The following PLS3 variants were observed in gnomAD, a reference collection of about 807,000 sequenced individuals.
PLS3 encodes plastin 3, also known as plastin-3.
PLS3 carries 11 observed loss-of-function variants against 46.5 expected under a neutral mutation model. The observed-to-expected ratio is 0.24, with a 90% CI of 0.15 to 0.39. PLS3 has a LOEUF of 0.39. Ranked by LOEUF, PLS3 falls within the 10% of genes least tolerant of loss-of-function variation. The probability of loss-of-function intolerance (pLI) is 1.00; values close to 1 mark genes in which losing one functional copy is unlikely to be tolerated. For synonymous variants in PLS3, 167 were observed against 162.2 expected, an observed-to-expected ratio of 1.03 and a Z score of -0.22; for missense variants, 308 against 461.8, an observed-to-expected ratio of 0.67 and a Z score of 3.05.
chrX:115,629,525 C>G (rs897876668), intron 4 of PLS3, among the ~76,000 whole-genome samples, 198 bp downstream of exon 4: 5 of 111,807 alleles, frequency 4.5e-5, no homozygotes, highest in Non-Finnish European at 7.5e-5. Context: ...TGTTAGCTTG[C>G]AAGAGACAGG....
intron 2 of PLS3, among the ~76,000 whole-genome samples, chrX:115,611,574 C>T (rs781910076): frequency 1.8e-5 from 2 of 111,226 alleles, no homozygotes; most frequent in Non-Finnish European, 3.8e-5. Flanking sequence ...TCAGCATTAG[C>T]AGCAGCTTAA....
intron 2 of PLS3, among the ~76,000 whole-genome samples, chrX:115,615,527 GAGAA>G (rs1197639201): frequency 1.9e-5 from 2 of 104,746 alleles, no homozygotes; most frequent in Non-Finnish European, 3.9e-5. Flanking sequence ...GAGAGAGAGA[GAGAA>G]AGGAAACAGT....
intron 1 of PLS3, among the ~76,000 whole-genome samples, chrX:115,576,785 CAAAA>C: frequency 9.0e-6 from 1 of 110,745 alleles, no homozygotes; most frequent in Admixed American, 9.6e-5. Context: ...GGAGTTAAGT[CAAAA>C]AAAAGGTGCA....
chrX:115,632,520 A>G (rs1490474034), intron 5 of PLS3, among the ~76,000 whole-genome samples: 1 of 111,291 alleles, frequency 9.0e-6, no homozygotes, highest in African/African-American at 3.3e-5. Flanking sequence ...ATTTTACCAA[A>G]TGAGATTTTT....
At position 115,647,984 on chromosome X, in the gene PLS3, A is replaced by G. The variant is rs782721109; in HGVS notation, c.1727A>G (p.Asn576Ser). 18 of 1,205,624 alleles carry G rather than the reference A, an allele frequency of 1.5e-5. No individual in the cohort carries two copies. Among genetic ancestry groups the G allele is most frequent in the Admixed American group, 8.8e-5 (4 of 45,437 alleles). ...CINYDLVKSG[N>S]LTEDDKHNNA... ...AACTATGACCTTGTGAAGAGTGGCAATCTAACAGAAGATGACAAGCACAAT... is the reference window on the plus strand; with the variant it reads ...AACTATGACCTTGTGAAGAGTGGCAGTCTAACAGAAGATGACAAGCACAAT... The change falls in exon 15 of 16, where the codon AAT (asparagine) becomes AGT (serine). Residue 576 changes from asparagine (N) to serine (S), a missense_variant. Physicochemically the swap from Asn to Ser is conservative, Grantham distance 46. Around this residue, in one of 2 missense-constraint regions of PLS3, gnomAD observed 271 missense variants for 435.7 expected, o/e 0.62. Transcript: ENST00000355899.
chrX:115,645,201 A>C (rs2074938736), intron 11 of PLS3, 102 bp downstream of exon 11: 2 of 554,451 alleles, frequency 3.6e-6, no homozygotes, highest in East Asian at 6.9e-5. Flanking sequence ...TGTAGCTATT[A>C]TTTATATTGG....
At chrX:115,628,451 G>A (rs1556638774) in intron 3 of PLS3, among the ~76,000 whole-genome samples, 1 of 112,062 alleles carries the variant, frequency 8.9e-6, no homozygotes, top group Non-Finnish European at 1.9e-5. Flanking sequence ...ACGCACATTG[G>A]TGGATCAGGA....
chrX:115,648,627 T>C (rs1010483163), intron 15 of PLS3, among the ~76,000 whole-genome samples: 7 of 111,306 alleles, frequency 6.3e-5, no homozygotes, highest in Non-Finnish European at 1.1e-4. Flanking sequence ...TAGTTAGACA[T>C]TGAAAATCCA....
At chrX:115,639,724 G>T (rs782805519) in intron 8 of PLS3, 2 of 342,909 alleles carry the variant, frequency 5.8e-6, no homozygotes, top group Admixed American at 6.1e-5. Context: ...TAGTTTTCAA[G>T]CTGTGTTTTG....
intron 1 of PLS3, among the ~76,000 whole-genome samples, chrX:115,604,707 C>T (rs782082048): frequency 9.0e-6 from 1 of 111,675 alleles, no homozygotes; most frequent in African/African-American, 3.3e-5. Flanking sequence ...TGAACCCATC[C>T]GGGATGTTTT....
At chrX:115,614,695 A>C (rs782556421) in intron 2 of PLS3, among the ~76,000 whole-genome samples, 2 of 111,743 alleles carry the variant, frequency 1.8e-5, no homozygotes, top group African/African-American at 3.3e-5. Context: ...CTTTTGACCG[A>C]GTCTTTTAAG....
intron 8 of PLS3, among the ~76,000 whole-genome samples, chrX:115,638,009 A>C (rs1315656727): frequency 1.8e-5 from 2 of 111,275 alleles, no homozygotes; most frequent in Non-Finnish European, 3.8e-5. Flanking sequence ...CAGTGCTGCT[A>C]ACATGGCTCA....
At chrX:115,639,724 G>A (rs782805519) in intron 8 of PLS3, 1 of 342,910 alleles carries the variant, frequency 2.9e-6, no homozygotes. Context: ...TAGTTTTCAA[G>A]CTGTGTTTTG....
intron 13 of PLS3, among the ~76,000 whole-genome samples, 199 bp downstream of exon 13, chrX:115,646,734 C>G (rs1031218247): frequency 4.4e-5 from 5 of 112,462 alleles, no homozygotes; most frequent in African/African-American, 1.6e-4. Flanking sequence ...GGCAGCAGAA[C>G]TATGGTTAGT....
chrX:115,578,742 G>A (rs1371221337), intron 1 of PLS3, among the ~76,000 whole-genome samples: 1 of 107,673 alleles, frequency 9.3e-6, no homozygotes, highest in Non-Finnish European at 1.9e-5. Context: ...GTTTAAAGCA[G>A]GATATAGAAT....
intron 1 of PLS3, among the ~76,000 whole-genome samples, chrX:115,596,902 T>C (rs2074394623): frequency 9.2e-6 from 1 of 109,170 alleles, no homozygotes. Flanking sequence ...CCCAGCACTT[T>C]GGGAGGCCGA....
intron 2 of PLS3, among the ~76,000 whole-genome samples, chrX:115,615,542 C>T (rs1295531162): frequency 9.7e-6 from 1 of 103,557 alleles, no homozygotes; most frequent in Admixed American, 1.0e-4. Context: ...AGGAAACAGT[C>T]CTTTTAACAG....
intron 2 of PLS3, among the ~76,000 whole-genome samples, chrX:115,611,154 A>G (rs2074544561): frequency 8.9e-6 from 1 of 112,346 alleles, no homozygotes; most frequent in Non-Finnish European, 1.9e-5. Flanking sequence ...CGAAAATCCC[A>G]TTAGTGGAAA....
intron 1 of PLS3, among the ~76,000 whole-genome samples, chrX:115,600,824 G>A (rs782409826): frequency 1.2e-4 from 13 of 111,438 alleles, no homozygotes; most frequent in African/African-American, 4.2e-4. Flanking sequence ...ATTGGGAAAC[G>A]TGCTTTGGGA....
Sources: gnomAD v4.1 joint callset for allele counts (sites outside exome capture counted in the v4.1 genomes callset) on GRCh38, gnomAD v4.1.1 for gene constraint, gnomAD v4.1.1 regional missense constraint, MANE v1.5 for transcripts, NCBI Gene and HGNC (gene_info 2026-07-23, HGNC 2026-07-21) for gene names.